The following GPR183 variants were observed in gnomAD, a reference collection of about 807,000 sequenced individuals.
The protein encoded by GPR183 is G protein-coupled receptor 183.
GPR183 carries 9 observed loss-of-function variants against 19.7 expected under a neutral mutation model. The ratio of observed to expected loss-of-function variants is 0.46; its 90% CI spans 0.28 to 0.80. GPR183 has a LOEUF of 0.80. Among genes scored for constraint, GPR183 ranks in the 30% least tolerant of loss-of-function variants. The probability of loss-of-function intolerance (pLI) is 0.13; values close to 1 mark genes in which losing one functional copy is unlikely to be tolerated. For synonymous variants in GPR183, 160 were observed against 155.1 expected, an observed-to-expected ratio of 1.03 and a Z score of -0.24; for missense variants, 368 against 446.7, an observed-to-expected ratio of 0.82 and a Z score of 1.59.
At position 99,295,388 on chromosome 13, in the gene GPR183, A is replaced by G. The variant is rs756018610; in HGVS notation, c.758T>C (p.Phe253Ser). 21 of 1,614,000 alleles carry G rather than the reference A, an allele frequency of 1.3e-5. No homozygotes were observed. The highest frequency in any genetic ancestry group is 8.5e-7 in the Non-Finnish European group (1 of 1,180,000). Residue 253 changes from phenylalanine to serine, a missense_variant, in exon 2 of 2, where the codon TTT becomes TCT. Transcript: ENST00000376414. This position sits in a 1 kb window ranked among gnomAD's most constrained non-coding sequence, Gnocchi z 4.1. ...ATGGTAAGGTGTGAAACAGAGAACA[A>G]ACACAACAATAATAAGAATAATTGT... ...LNTIILIIVVFVLCFTPYHVA... is the reference protein window; with the variant it reads ...LNTIILIIVVSVLCFTPYHVA...
rs2044167277 is a variant in GPR183 at position 99,296,072 on chromosome 13, G to T, written c.74C>A (p.Ala25Glu). ...TACTATCCTGGCCGTGCTGTGATGT[G>T]CATAGAGGTCACAGTCATTTCCCTG... ...TPQGNDCDLY[A>E]HHSTARIVMP... is the part of the protein sequence containing the mutation. Residue 25 changes from alanine (A) to glutamate (E), a missense_variant, in exon 2 of 2, where the codon GCA (alanine) becomes GAA (glutamate). Coordinates refer to ENST00000376414, the MANE Select transcript of GPR183 (RefSeq NM_004951.5). The T allele has an allele frequency of 1.9e-6, 3 of 1,613,886 alleles. No homozygotes were observed. The highest frequency in any genetic ancestry group is 2.5e-6 in the Non-Finnish European group (3 of 1,179,908).
In GPR183 at chr13:99,294,820, T is replaced by G; in HGVS notation, c.*240A>C. On this transcript the variant is annotated 3_prime_UTR_variant, in exon 2 of 2. Coordinates refer to ENST00000376414, the MANE Select transcript of GPR183 (RefSeq NM_004951.5). Reference sequence around the variant, plus strand: ...TTGGGAGTTATTAAGAGCGCCTCCTTTTGGTGTATTCGTTTACAAATAAAA... The same window carrying G: ...TTGGGAGTTATTAAGAGCGCCTCCTGTTGGTGTATTCGTTTACAAATAAAA... The G allele has an allele frequency of 5.7e-6, 2 of 351,668 alleles. No homozygotes were observed. The highest frequency in any genetic ancestry group is 2.1e-5 in the African/African-American group (1 of 46,964). 21.8% of individuals were successfully genotyped at this position (351,668 alleles called of 1,614,324 possible).
At chr13:99,299,319 G>A (rs191808803) in intron 1 of GPR183, among the ~76,000 whole-genome samples, 5 of 152,316 alleles carry the variant, frequency 3.3e-5, no homozygotes, top group Admixed American at 2.0e-4. Context: ...CAGGAATACA[G>A]CCATGCAGTG....
intron 1 of GPR183, among the ~76,000 whole-genome samples, chr13:99,306,824 G>T (rs2044343931): frequency 6.6e-6 from 1 of 152,044 alleles, no homozygotes; most frequent in Non-Finnish European, 1.5e-5. Context: ...GGGTAAATTG[G>T]TAAAATGTTT....
At chr13:99,302,818 C>G (rs1205230952) in intron 1 of GPR183, among the ~76,000 whole-genome samples, 1 of 152,212 alleles carries the variant, frequency 6.6e-6, no homozygotes, top group Non-Finnish European at 1.5e-5. Context: ...AACCAACTGT[C>G]ACAGTAGTCA....
In GPR183 at chr13:99,296,103, T is replaced by C. The variant is rs777510204; in HGVS notation, c.43A>G (p.Thr15Ala). The change falls in exon 2 of 2, where the codon ACT becomes GCT. Residue 15 changes from threonine to alanine, a missense_variant. Thr to Ala is a moderately conservative substitution (Grantham distance 58). Transcript: ENST00000376414. ...AGGTCACAGTCATTTCCCTGAGGAGTTGCAGAGGGCGGAGTAAAATTGTTT... is the reference window on the plus strand; with the variant it reads ...AGGTCACAGTCATTTCCCTGAGGAGCTGCAGAGGGCGGAGTAAAATTGTTT... Reference protein sequence around the residue: ...MANNFTPPSATPQGNDCDLYA... With the variant: ...MANNFTPPSAAPQGNDCDLYA... 8.7e-6 allele frequency: 14 copies of C among 1,611,390 alleles called. No homozygotes were observed. The highest frequency in any genetic ancestry group is 1.7e-6 in the Non-Finnish European group (2 of 1,178,428).
chr13:99,299,297 T>C (rs1477439982), intron 1 of GPR183, among the ~76,000 whole-genome samples: 1 of 152,238 alleles, frequency 6.6e-6, no homozygotes, highest in Admixed American at 6.5e-5. Context: ...GGCATAGCCA[T>C]ACAGTAGAAT....
At chr13:99,301,621 C>T (rs1410686314) in intron 1 of GPR183, among the ~76,000 whole-genome samples, 2 of 151,902 alleles carry the variant, frequency 1.3e-5, no homozygotes, top group East Asian at 3.9e-4. Context: ...CATGAACTGA[C>T]AGGTTCTTTC....
At position 99,300,488 on chromosome 13, in the gene GPR183, G is replaced by A. The variant is rs566363120; in HGVS notation, c.-18-4325C>T. ...AATTGAGAGGAAAATCCTTTCATAT[G>A]CGTGACTGTTACTATCCCATTCTTA... On this transcript the variant is annotated intron_variant, in intron 1 of 1. Coordinates refer to ENST00000376414, the MANE Select transcript of GPR183 (RefSeq NM_004951.5). 1.3e-4 allele frequency among the ~76,000 whole-genome samples: 20 copies of A among 152,258 alleles called. No homozygotes were observed. In the South Asian group the frequency reaches 3.9e-3, roughly 30 times the overall value.
In GPR183 at chr13:99,296,006, A is replaced by G; in HGVS notation, c.140T>C (p.Val47Ala). The change falls in exon 2 of 2, where the codon GTG becomes GCG. Residue 47 changes from valine (V) to alanine (A), a missense_variant. Physicochemically the swap from Val to Ala is moderately conservative, Grantham distance 64. Coordinates refer to ENST00000376414, the MANE Select transcript of GPR183 (RefSeq NM_004951.5). The stretch of plus-strand genomic sequence containing the variant: ...GACGACCAAGGCTAGTAAGTTTCCC[A>G]CGAGCCCAATGATGAAGACGAGGCT... ...HYSLVFIIGLVGNLLALVVIV... is the reference protein window; with the variant it reads ...HYSLVFIIGLAGNLLALVVIV... The G allele has an allele frequency of 6.2e-7, 1 of 1,614,128 alleles. No individual in the cohort carries two copies. Among genetic ancestry groups the G allele is most frequent in the Non-Finnish European group, 8.5e-7 (1 of 1,180,012 alleles).
At chr13:99,298,127 C>T (rs1438801269) in intron 1 of GPR183, among the ~76,000 whole-genome samples, 1 of 152,054 alleles carries the variant, frequency 6.6e-6, no homozygotes, top group African/African-American at 2.4e-5. Context: ...GGTGGGAGAT[C>T]TTAACACATT....
intron 1 of GPR183, among the ~76,000 whole-genome samples, chr13:99,306,649 A>G (rs1229986977): frequency 2.0e-5 from 3 of 152,200 alleles, no homozygotes; most frequent in Non-Finnish European, 4.4e-5. Context: ...TTGCCAAAGC[A>G]CTGCATAGAA....
intron 1 of GPR183, among the ~76,000 whole-genome samples, chr13:99,301,069 A>T (rs185052276): frequency 6.6e-6 from 1 of 152,366 alleles, no homozygotes; most frequent in East Asian, 1.9e-4. Flanking sequence ...TGTTAGTTCT[A>T]AATCTTTTTT....
intron 1 of GPR183, among the ~76,000 whole-genome samples, chr13:99,301,077 T>G (rs2138731196): frequency 6.6e-6 from 1 of 152,366 alleles, no homozygotes; most frequent in Non-Finnish European, 1.5e-5. Context: ...CTAAATCTTT[T>G]TTCTTTAGAA....
intron 1 of GPR183, among the ~76,000 whole-genome samples, chr13:99,305,966 G>C (rs1014939328): frequency 2.6e-5 from 4 of 152,134 alleles, no homozygotes; most frequent in Admixed American, 2.6e-4. Context: ...CGCAATCTCG[G>C]CTCACTGCAA....
rs755906669 is a variant in GPR183, at chr13:99,295,292, G to A, written c.854C>T (p.Ser285Leu). 5.0e-6 allele frequency: 8 copies of A among 1,614,090 alleles called. No individual in the cohort carries two copies. Among genetic ancestry groups the A allele is most frequent in the South Asian group, 1.1e-5 (1 of 91,066 alleles). ...TGTAAAGTGCAGAGAAATCTGGAAC[G>A]AATGTCTTTGGCTACATTCCAGGAA... Reference protein sequence around the residue: ...SNFLECSQRHSFQISLHFTVC... With the variant: ...SNFLECSQRHLFQISLHFTVC... Residue 285 changes from serine (S) to leucine (L), a missense_variant, in exon 2 of 2, where the codon TCG becomes TTG. By Grantham distance (145) the Ser-to-Leu change is moderately radical. Coordinates refer to ENST00000376414, the MANE Select transcript of GPR183 (RefSeq NM_004951.5). This position sits in a 1 kb window ranked among gnomAD's most constrained non-coding sequence, Gnocchi z 4.1.
chr13:99,301,520 T>G (rs933900537), intron 1 of GPR183, among the ~76,000 whole-genome samples: 2 of 152,226 alleles, frequency 1.3e-5, no homozygotes, highest in Non-Finnish European at 2.9e-5. Context: ...GCCTGTGTGT[T>G]TTTTTCTCTA....
intron 1 of GPR183, among the ~76,000 whole-genome samples, chr13:99,296,777 G>C (rs895350280): frequency 2.6e-5 from 4 of 151,948 alleles, no homozygotes; most frequent in African/African-American, 9.7e-5. Context: ...GACGACGACC[G>C]CAACAACCAT....
At position 99,295,924 on chromosome 13, in the gene GPR183, C is replaced by A. The variant is rs2230342; in HGVS notation, c.222G>T (p.Val74=). 0.34 allele frequency: 541,162 copies of A among 1,613,468 alleles called. 93,352 individuals are homozygous for A. The highest frequency in any genetic ancestry group is 0.43 in the Middle Eastern group (2,595 of 6,058). The stretch of plus-strand genomic sequence containing the variant: ...CGGTGGTAAAAAGTATATCAGAAAT[C>A]ACCAAATTTGTTGAATAGAGGGTGG... ...NSTTLYSTNL[V]ISDILFTTAL... Residue 74 remains valine (V), a synonymous_variant, in exon 2 of 2, where the codon GTG becomes GTT. Transcript: ENST00000376414. This position sits in a 1 kb window ranked among gnomAD's most constrained non-coding sequence, Gnocchi z 4.1.
Sources: allele counts gnomAD v4.1 joint callset (sites outside exome capture counted in the v4.1 genomes callset), GRCh38; gene constraint gnomAD v4.1.1; non-coding constraint Gnocchi (gnomAD v3.1); transcripts MANE v1.5; gene names NCBI Gene and HGNC (gene_info 2026-07-23, HGNC 2026-07-21).